The following VOPP1 variants were observed in gnomAD, a reference collection of about 807,000 sequenced individuals.
VOPP1 encodes WW domain binding protein VOPP1.
A neutral mutation model predicts 23.5 loss-of-function variants in VOPP1; 8 were observed. The observed-to-expected ratio is 0.34, with a 90% CI of 0.20 to 0.61. The LOEUF (loss-of-function observed/expected upper bound fraction) is 0.61. VOPP1 is among the 20% of genes least tolerant of loss of function. The pLI is 0.78. For missense variants in VOPP1, 174 were observed against 238.1 expected, an observed-to-expected ratio of 0.73 and a Z score of 1.77; for synonymous variants, 83 against 97.3, an observed-to-expected ratio of 0.85 and a Z score of 0.86.
intron 4 of VOPP1, among the ~76,000 whole-genome samples, chr7:55,465,060 C>T (rs181676295): frequency 1.2e-4 from 18 of 152,318 alleles, no homozygotes; most frequent in Admixed American, 2.6e-4. Context: ...TTGCTTCCCT[C>T]TCCTTCCAAG....
At chr7:55,553,879 C>T (rs1038314853) in intron 1 of VOPP1, 1 of 152,714 alleles carries the variant, frequency 6.5e-6, no homozygotes, top group East Asian at 1.9e-4. Flanking sequence ...GGGCTGCTCC[C>T]AAGTCTCTCC....
At chr7:55,571,048 T>C (rs951755390) in intron 1 of VOPP1, among the ~76,000 whole-genome samples, 8 of 152,224 alleles carry the variant, frequency 5.3e-5, no homozygotes, top group Admixed American at 2.6e-4. Flanking sequence ...TGGTCTCTGA[T>C]TCACTTCTTT....
intron 1 of VOPP1, among the ~76,000 whole-genome samples, chr7:55,539,040 A>AGGGGGG (rs60010511): frequency 2.1e-4 from 10 of 47,776 alleles, no homozygotes; most frequent in African/African-American, 3.3e-4. Context: ...TTAAAAAAAA[A>AGGGGGG]GGGGGGGGGG....
intron 1 of VOPP1, among the ~76,000 whole-genome samples, chr7:55,538,436 TG>T (rs1327367662): frequency 3.9e-5 from 6 of 152,182 alleles, no homozygotes; most frequent in African/African-American, 1.4e-4. Context: ...TTTGCTAACT[TG>T]ATGCTCAAAT....
intron 3 of VOPP1, among the ~76,000 whole-genome samples, chr7:55,494,794 G>C (rs1055110236): frequency 2.0e-5 from 3 of 152,084 alleles, no homozygotes; most frequent in African/African-American, 4.8e-5. Context: ...ACTAACAAAG[G>C]GGCAGGAGAA....
rs75352213 is a variant in VOPP1 at position 55,561,750 on chromosome 7, A to G, written c.54+10521T>C. ...ATTCACAGACTGCTCCCCTCTTCCA[A>G]AAAAAAAAAAAAACAAACAAGCAAT... On this transcript the variant is annotated intron_variant, in intron 1 of 4. Transcript: ENST00000285279. 4 of 323,664 alleles carry G rather than the reference A, an allele frequency of 1.2e-5. No individual in the cohort carries two copies. In the Admixed American group the frequency reaches 1.4e-4, roughly 11 times the overall value. The allele number at this position is 323,664 out of a possible 1,614,324, so 20.0% of individuals were successfully genotyped here. A position where few individuals can be genotyped will look rare whatever the true frequency, so the allele number is the denominator to read the frequency against.
chr7:55,510,545 C>A (rs1026029474), intron 2 of VOPP1, among the ~76,000 whole-genome samples: 11 of 150,612 alleles, frequency 7.3e-5, no homozygotes, highest in Non-Finnish European at 1.5e-4. Context: ...TTTGTTACAT[C>A]CCAGACTTTA....
chr7:55,468,283 A>AAG (rs1791684396), downstream of VOPP1, among the ~76,000 whole-genome samples: 2 of 150,738 alleles, frequency 1.3e-5, no homozygotes, highest in Non-Finnish European at 3.0e-5. Flanking sequence ...AAAAAAAAAA[A>AAG]AAAAAGAAAA....
chr7:55,464,390 T>C (rs1791582705), intron 4 of VOPP1, among the ~76,000 whole-genome samples: 1 of 152,118 alleles, frequency 6.6e-6, no homozygotes, highest in Admixed American at 6.5e-5. Flanking sequence ...GCAGACCTGT[T>C]TTCAGTTTCC....
intron 1 of VOPP1, among the ~76,000 whole-genome samples, chr7:55,538,218 C>T (rs1227158672): frequency 6.6e-6 from 1 of 152,200 alleles, no homozygotes. Flanking sequence ...TGCTACAAAC[C>T]ACTCTGAGTA....
intron 1 of VOPP1, among the ~76,000 whole-genome samples, chr7:55,563,051 T>G (rs553934341): frequency 1.3e-5 from 2 of 152,256 alleles, no homozygotes; most frequent in Non-Finnish European, 2.9e-5. Context: ...TAAATTTTAC[T>G]GTTTATGTTT....
chr7:55,496,119 C>G (rs73137615), intron 3 of VOPP1, among the ~76,000 whole-genome samples: 1,778 of 152,366 alleles, frequency 0.012, 18 homozygotes, highest in South Asian at 0.021. Context: ...TCAAACTTCT[C>G]TTCTTTTTGA....
intron 4 of VOPP1, among the ~76,000 whole-genome samples, chr7:55,442,015 A>C (rs1790977135): frequency 6.6e-6 from 1 of 152,228 alleles, no homozygotes; most frequent in South Asian, 2.1e-4. Flanking sequence ...TAATTGCTTG[A>C]GTGCATTTCA....
intron 1 of VOPP1, among the ~76,000 whole-genome samples, chr7:55,545,508 T>A (rs139509175): frequency 1.3e-5 from 2 of 152,276 alleles, no homozygotes; most frequent in African/African-American, 4.8e-5. Context: ...GCTCTCCCCA[T>A]CCTCTTTCTG....
At chr7:55,534,487 T>C (rs1796668739) in intron 1 of VOPP1, among the ~76,000 whole-genome samples, 1 of 152,188 alleles carries the variant, frequency 6.6e-6, no homozygotes, top group Non-Finnish European at 1.5e-5. Flanking sequence ...TCTGCATTAG[T>C]CATTTAGAGC....
intron 1 of VOPP1, among the ~76,000 whole-genome samples, chr7:55,550,017 GATA>G (rs1268318721): frequency 6.6e-6 from 1 of 152,202 alleles, no homozygotes; most frequent in Non-Finnish European, 1.5e-5. Context: ...TCCTCAGCAT[GATA>G]GCCTGAGTGC....
Position 55,572,332 on chromosome 7 carries a change from C to G in VOPP1, c.-8G>C. Reference sequence around the variant, plus strand: ...CGCAGGCTGGCGCCTCATGGCTCCTCGCGTCCTCTCCAGCGCGCCCGGACG... The same window carrying G: ...CGCAGGCTGGCGCCTCATGGCTCCTGGCGTCCTCTCCAGCGCGCCCGGACG... On this transcript the variant is annotated 5_prime_UTR_variant, in exon 1 of 5. Coordinates refer to ENST00000285279, the MANE Select transcript of VOPP1 (RefSeq NM_030796.5). 2 of 1,454,232 alleles carry G rather than the reference C, an allele frequency of 1.4e-6. No individual in the cohort carries two copies. Among genetic ancestry groups the G allele is most frequent in the Non-Finnish European group, 1.8e-6 (2 of 1,106,488 alleles). 90.1% of individuals were successfully genotyped at this position (1,454,232 alleles called of 1,614,324 possible). A position where few individuals can be genotyped will look rare whatever the true frequency, so the allele number is the denominator to read the frequency against.
intron 1 of VOPP1, among the ~76,000 whole-genome samples, chr7:55,532,303 G>A (rs187296226): frequency 1.4e-4 from 22 of 152,348 alleles, no homozygotes; most frequent in African/African-American, 3.1e-4. Context: ...TCAGGTCACC[G>A]AAGGTCTCTA....
At chr7:55,453,054 TG>T (rs1791282884) in intron 4 of VOPP1, among the ~76,000 whole-genome samples, 1 of 76,908 alleles carries the variant, frequency 1.3e-5, no homozygotes, top group Non-Finnish European at 3.1e-5. Context: ...ATGTAAACTC[TG>T]TTGTCGAGTG....
Sources: allele counts gnomAD v4.1 joint callset (sites outside exome capture counted in the v4.1 genomes callset), GRCh38; gene constraint gnomAD v4.1.1; transcripts MANE v1.5; gene names NCBI Gene and HGNC (gene_info 2026-07-23, HGNC 2026-07-21).